RNF170: variants seen among roughly 807,000 people sequenced by gnomAD.
The protein encoded by RNF170 is ring finger protein 170.
In RNF170, 12 loss-of-function variants were observed where a neutral mutation model predicts 32.7. The ratio of observed to expected loss-of-function variants is 0.37; its 90% CI spans 0.24 to 0.60. RNF170 has a LOEUF of 0.60. Among genes scored for constraint, RNF170 ranks in the 20% least tolerant of loss-of-function variants. The pLI, the probability that RNF170 is intolerant of heterozygous loss-of-function variation, is 0.72. For missense variants in RNF170, 212 were observed against 311.2 expected, an observed-to-expected ratio of 0.68 and a Z score of 2.40; for synonymous variants, 91 against 103.6, an observed-to-expected ratio of 0.88 and a Z score of 0.74.
Position 42,853,569 on chromosome 8 carries a change from C to T in RNF170, c.*2590G>A. 7.8e-7 allele frequency: 1 copy of T among 1,287,066 alleles called. No homozygotes were observed. The highest frequency in any genetic ancestry group is 1.0e-6 in the Non-Finnish European group (1 of 988,616). 79.7% of individuals were successfully genotyped at this position (1,287,066 alleles called of 1,614,324 possible). ...GAGCTGCCCAAGTTATTATCTGCTC[C>T]TGGGGTTGGACCATCTGTTTTATGA... On this transcript the variant is annotated 3_prime_UTR_variant, in exon 7 of 7. Transcript: ENST00000527424.
chr8:42,895,204 A>T (rs531096152), intron 1 of RNF170, among the ~76,000 whole-genome samples: 1 of 152,148 alleles, frequency 6.6e-6, no homozygotes, highest in Admixed American at 6.5e-5. Context: ...GGTTCCAGCT[A>T]CTTGGGAGGC....
At chr8:42,881,041 T>C (rs1195417006) in intron 2 of RNF170, among the ~76,000 whole-genome samples, 3 of 152,246 alleles carry the variant, frequency 2.0e-5, no homozygotes, top group Admixed American at 6.5e-5. Flanking sequence ...AAAAAATTCA[T>C]ATGACTCACT....
At chr8:42,868,826 T>C (rs1804310772) in intron 4 of RNF170, among the ~76,000 whole-genome samples, 2 of 141,106 alleles carry the variant, frequency 1.4e-5, no homozygotes, top group Admixed American at 7.5e-5. Flanking sequence ...CACTCCAGTC[T>C]GGGCGACAAG....
upstream of RNF170, chr8:42,896,672 T>A: frequency 2.2e-6 from 1 of 450,124 alleles, no homozygotes; most frequent in Non-Finnish European, 4.4e-6. Context: ...GGAGGACCCG[T>A]CGCCGCAGCC....
rs1455479098 is a variant in RNF170, at chr8:42,853,345, C to CA, written c.*2813dup. On this transcript the variant is annotated 3_prime_UTR_variant, in exon 7 of 7. Transcript: ENST00000527424. Reference sequence around the variant, plus strand: ...TTATTCAAAAGAATAAAATGCTTGACAAACTCTTTAATCACAAGGTTTGAA... The same window carrying CA: ...TTATTCAAAAGAATAAAATGCTTGACAAAACTCTTTAATCACAAGGTTTGAA... The CA allele has an allele frequency of 8.1e-7, 1 of 1,235,294 alleles. No individual in the cohort carries two copies. Among genetic ancestry groups the CA allele is most frequent in the East Asian group, 5.7e-5 (1 of 17,428 alleles). 76.5% of individuals were successfully genotyped at this position (1,235,294 alleles called of 1,614,324 possible).
chr8:42,888,075 T>C (rs1805972498), intron 1 of RNF170, among the ~76,000 whole-genome samples: 1 of 152,018 alleles, frequency 6.6e-6, no homozygotes, highest in South Asian at 2.1e-4. Context: ...TCTATTTCTA[T>C]TTTTTTTGGA....
At chr8:42,856,732 C>T (rs911077872) in intron 6 of RNF170, among the ~76,000 whole-genome samples, 2 of 152,088 alleles carry the variant, frequency 1.3e-5, no homozygotes, top group Non-Finnish European at 2.9e-5. Flanking sequence ...ACCAAAGAAC[C>T]TAGCGCGCAG....
upstream of RNF170, chr8:42,897,141 G>C: frequency 8.0e-7 from 1 of 1,247,570 alleles, no homozygotes; most frequent in Non-Finnish European, 1.0e-6. Context: ...GATGTTCAGC[G>C]TAGAGTCGCT....
In RNF170 at chr8:42,854,630, TTAGC is replaced by T. The variant is rs1300284908; in HGVS notation, c.*1525_*1528del. On this transcript the variant is annotated 3_prime_UTR_variant, in exon 7 of 7. Transcript: ENST00000527424. ...TCTCATTAATTGGTAGCTGATCTGA[TTAGC>T]TAGAGAGAATGTGACAGATTTTCTC... The T allele has an allele frequency of 4.7e-6, 6 of 1,287,124 alleles. No homozygotes were observed. The allele number at this position is 1,287,124 out of a possible 1,614,324, so 79.7% of individuals were successfully genotyped here.
chr8:42,889,655 C>T (rs1002424212), intron 1 of RNF170, among the ~76,000 whole-genome samples: 1 of 152,102 alleles, frequency 6.6e-6, no homozygotes, highest in Non-Finnish European at 1.5e-5. Flanking sequence ...CAGCTTTACA[C>T]GGACTAATCG....
At chr8:42,880,346 G>A (rs898411887) in intron 2 of RNF170, among the ~76,000 whole-genome samples, 1 of 152,200 alleles carries the variant, frequency 6.6e-6, no homozygotes, top group African/African-American at 2.4e-5. Context: ...GGGTTTGGGA[G>A]GACTGACTCC....
intron 6 of RNF170, among the ~76,000 whole-genome samples, chr8:42,858,021 CGA>C (rs1290464741): frequency 6.6e-6 from 1 of 151,970 alleles, no homozygotes; most frequent in Non-Finnish European, 1.5e-5. Flanking sequence ...GGCGACAGAG[CGA>C]GACTCTGTCT....
At chr8:42,893,446 C>CACA (rs1269042268) in intron 1 of RNF170, among the ~76,000 whole-genome samples, 5 of 152,154 alleles carry the variant, frequency 3.3e-5, no homozygotes, top group Non-Finnish European at 7.3e-5. Flanking sequence ...AGCAAACAAG[C>CACA]ACAAGTTCCA....
intron 1 of RNF170, among the ~76,000 whole-genome samples, chr8:42,889,000 G>T (rs34752346): frequency 5.2e-4 from 79 of 152,188 alleles, no homozygotes; most frequent in African/African-American, 1.8e-3. Flanking sequence ...GTACACAATA[G>T]GACCTAATAG....
intron 1 of RNF170, among the ~76,000 whole-genome samples, chr8:42,888,970 T>C (rs1462589233): frequency 2.6e-5 from 4 of 152,226 alleles, no homozygotes; most frequent in Non-Finnish European, 5.9e-5. Context: ...AGCATTCTCA[T>C]ATTCTCTAGC....
At chr8:42,880,917 T>C (rs1805344075) in intron 2 of RNF170, among the ~76,000 whole-genome samples, 1 of 152,086 alleles carries the variant, frequency 6.6e-6, no homozygotes, top group Non-Finnish European at 1.5e-5. Flanking sequence ...TAGCATTTTT[T>C]AGCAATAAAG....
At chr8:42,873,592 C>A (rs1371060912) in intron 3 of RNF170, among the ~76,000 whole-genome samples, 2 of 152,012 alleles carry the variant, frequency 1.3e-5, no homozygotes, top group Non-Finnish European at 2.9e-5. Context: ...CTAGTTATTT[C>A]TTTGTAGATA....
chr8:42,857,805 G>A (rs757558455), intron 6 of RNF170, among the ~76,000 whole-genome samples: 1 of 152,188 alleles, frequency 6.6e-6, no homozygotes, highest in Non-Finnish European at 1.5e-5. Context: ...AGGCCAAGGT[G>A]AGCAGATCGC....
At chr8:42,858,923 C>G (rs2128924399) in intron 6 of RNF170, among the ~76,000 whole-genome samples, 1 of 152,330 alleles carries the variant, frequency 6.6e-6, no homozygotes, top group Non-Finnish European at 1.5e-5. Context: ...TGGCTCATGC[C>G]TGTAATCCCA....
Sources: gnomAD v4.1 joint callset for allele counts (sites outside exome capture counted in the v4.1 genomes callset) on GRCh38, gnomAD v4.1.1 for gene constraint, MANE v1.5 for transcripts, NCBI Gene and HGNC (gene_info 2026-07-23, HGNC 2026-07-21) for gene names.